Variants in PCNX4 observed in about 807,000 individuals in gnomAD.
PCNX4 encodes pecanex 4.
A neutral mutation model predicts 107.2 loss-of-function variants in PCNX4; 103 were observed. The observed-to-expected ratio is 0.96, with a 90% CI of 0.82 to 1.13. The LOEUF (loss-of-function observed/expected upper bound fraction) is 1.13, where lower values mean the gene tolerates loss of function less well. Among genes scored for constraint, PCNX4 ranks in the 50% most tolerant of loss-of-function variants. The probability of loss-of-function intolerance (pLI) is 0.00; values close to 1 mark genes in which losing one functional copy is unlikely to be tolerated. For synonymous variants in PCNX4, 541 were observed against 481.7 expected (o/e 1.12, Z -1.61); for missense variants, 1,528 against 1,379.4 (o/e 1.11, Z -1.71).
chr14:60,104,475 C>T (rs1458120427), intron 1 of PCNX4, among the ~76,000 whole-genome samples: 5 of 152,090 alleles, frequency 3.3e-5, no homozygotes, highest in Non-Finnish European at 7.3e-5. Context: ...AGGTATTTTG[C>T]TAAATATGGG....
chr14:60,139,181 G>A lies in PCNX4; in HGVS notation c.*4960G>A, dbSNP rs905740571. ...CCAATTAAATGCAAAGATCATCAAA[G>A]TGAAAAGAAAGAAAACCCACAAAGT... On this transcript the variant is annotated 3_prime_UTR_variant, in exon 11 of 11. Transcript: ENST00000406854. 4.6e-5 allele frequency: 7 copies of A among 151,658 alleles called. No individual in the cohort carries two copies. The highest frequency in any genetic ancestry group is 1.7e-4 in the African/African-American group (7 of 41,046). The allele number at this position is 151,658 out of a possible 1,614,324, so 9.4% of individuals were successfully genotyped here. A position where few individuals can be genotyped will look rare whatever the true frequency, so the allele number is the denominator to read the frequency against.
intron 2 of PCNX4, 195 bp downstream of exon 2, chr14:60,108,522 T>C (rs160231): frequency 0.8 from 331,048 of 414,900 alleles, 136,203 homozygotes; most frequent in Non-Finnish European, 0.87. Flanking sequence ...TTAAAACTTA[T>C]TAAAGAGTTT....
Position 60,134,998 on chromosome 14 carries a change from T to C in PCNX4, c.*777T>C, listed in dbSNP as rs965084599. The C allele has an allele frequency of 1.3e-5, 2 of 152,224 alleles. No individual in the cohort carries two copies. The highest frequency in any genetic ancestry group is 2.9e-5 in the Non-Finnish European group (2 of 68,034). The allele number at this position is 152,224 out of a possible 1,614,324, so 9.4% of individuals were successfully genotyped here. ...TTTACCCAACAGGACTACCAGTTAC[T>C]AGTGTCTTAAGGTATATGAACTAAA... is the stretch of plus-strand genomic sequence containing the variant. On this transcript the variant is annotated 3_prime_UTR_variant, in exon 11 of 11. Coordinates refer to ENST00000406854, the MANE Select transcript of PCNX4 (RefSeq NM_001330177.2).
intron 10 of PCNX4, among the ~76,000 whole-genome samples, chr14:60,126,835 T>G (rs1284236183): frequency 6.6e-6 from 1 of 152,182 alleles, no homozygotes; most frequent in Non-Finnish European, 1.5e-5. Flanking sequence ...TACTGGGGCC[T>G]TGATCACTCT....
chr14:60,133,561 A>T, intron 10 of PCNX4: 1 of 423,610 alleles, frequency 2.4e-6, no homozygotes, highest in Middle Eastern at 3.5e-4. Context: ...TGAATTGCAT[A>T]TAGTAAGTAA....
chr14:60,125,299 C>T, intron 9 of PCNX4, 48 bp downstream of exon 9: 2 of 1,411,524 alleles, frequency 1.4e-6, no homozygotes, highest in Non-Finnish European at 1.9e-6. Context: ...TGGAAAAATA[C>T]TGATTTTTCT....
intron 6 of PCNX4, among the ~76,000 whole-genome samples, 200 bp from the exon 7 acceptor site, chr14:60,118,129 T>A (rs1054676754): frequency 2.0e-5 from 3 of 151,782 alleles, no homozygotes; most frequent in African/African-American, 7.3e-5. Flanking sequence ...TTTTTTTTTT[T>A]AAGAACAAAC....
chr14:60,102,311 TGATA>T (rs1453556383), intron 1 of PCNX4, among the ~76,000 whole-genome samples: 3 of 112,136 alleles, frequency 2.7e-5, no homozygotes, highest in Non-Finnish European at 6.1e-5. Context: ...AAAAATAATA[TGATA>T]GATTTAAAAA....
intron 6 of PCNX4, among the ~76,000 whole-genome samples, chr14:60,118,018 T>C (rs1895882613): frequency 6.6e-6 from 1 of 152,174 alleles, no homozygotes; most frequent in Non-Finnish European, 1.5e-5. Flanking sequence ...TTTGTGTCTT[T>C]CTAGGAACTT....
chr14:60,103,026 CT>C (rs1421324974), intron 1 of PCNX4, among the ~76,000 whole-genome samples: 3 of 152,142 alleles, frequency 2.0e-5, no homozygotes, highest in Non-Finnish European at 4.4e-5. Flanking sequence ...GCTAAATACT[CT>C]TTAATCCTTA....
chr14:60,145,041 C>G lies in PCNX4; in HGVS notation c.*10820C>G, dbSNP rs1326968006. On this transcript the variant is annotated 3_prime_UTR_variant, in exon 11 of 11. Coordinates refer to ENST00000406854, the MANE Select transcript of PCNX4 (RefSeq NM_001330177.2). This position sits in a 1 kb window ranked among gnomAD's most constrained non-coding sequence, Gnocchi z 4.0. The stretch of plus-strand genomic sequence containing the variant: ...GTAAAAGAGGGACAGAAACATGGAT[C>G]AGTACCTACTCCTATTTACTCCAGT... The G allele has an allele frequency of 6.5e-7, 1 of 1,532,348 alleles. No homozygotes were observed. The highest frequency in any genetic ancestry group is 2.0e-5 in the Admixed American group (1 of 50,318). 94.9% of individuals were successfully genotyped at this position (1,532,348 alleles called of 1,614,324 possible). A position where few individuals can be genotyped will look rare whatever the true frequency, so the allele number is the denominator to read the frequency against.
chr14:60,124,893 C>T lies in PCNX4; in HGVS notation c.2722C>T (p.His908Tyr), dbSNP rs1896023638. 6.2e-7 allele frequency: 1 copy of T among 1,613,670 alleles called. No homozygotes were observed. Among genetic ancestry groups the T allele is most frequent in the Non-Finnish European group, 8.5e-7 (1 of 1,179,776 alleles). ...PLMEFSCSHS[H>Y]LVCLPAEWRT... is the part of the protein sequence containing the mutation. ...CATGGAGTTCAGTTGTTCACATTCTCACTTAGTATGCTTACCCGCAGAGTG... is the reference window on the plus strand; with the variant it reads ...CATGGAGTTCAGTTGTTCACATTCTTACTTAGTATGCTTACCCGCAGAGTG... Residue 908 changes from histidine to tyrosine, a missense_variant, in exon 9 of 11, where the codon CAC becomes TAC. Transcript: ENST00000406854.
chr14:60,126,375 G>C (rs756730954), intron 10 of PCNX4, among the ~76,000 whole-genome samples: 126 of 152,182 alleles, frequency 8.3e-4, no homozygotes, highest in Non-Finnish European at 1.5e-3. Context: ...GGTTTTGTCT[G>C]TCTGGCATTA....
intron 1 of PCNX4, among the ~76,000 whole-genome samples, chr14:60,104,167 A>G (rs1171275260): frequency 1.3e-5 from 2 of 152,008 alleles, no homozygotes; most frequent in Admixed American, 6.5e-5. Context: ...AAAAATACAA[A>G]AATTAGTTGG....
rs73310175 is a variant in PCNX4, at chr14:60,128,236, G to A, written c.3267+2413G>A. Among the ~76,000 whole-genome samples the A allele has an allele frequency of 3.0e-3, 449 of 152,196 alleles. 3 individuals are homozygous for A. The highest frequency in any genetic ancestry group is 0.01 in the African/African-American group (430 of 41,512). On this transcript the variant is annotated intron_variant, in intron 10 of 10. Transcript: ENST00000406854. ...TTGTAAAACATTAATCCACACATCC[G>A]GGAACTTCAGTGAACTTTAGAATAA...
At chr14:60,118,996 C>T (rs896052818) in intron 7 of PCNX4, among the ~76,000 whole-genome samples, 2 of 152,144 alleles carry the variant, frequency 1.3e-5, no homozygotes, top group Admixed American at 1.3e-4. Flanking sequence ...CATGGAAACA[C>T]CTTTCCCCGA....
chr14:60,114,611 G>T, intron 2 of PCNX4, 89 bp from the exon 3 acceptor site: 3 of 1,069,562 alleles, frequency 2.8e-6, no homozygotes, highest in Non-Finnish European at 4.0e-6. Flanking sequence ...GGAAGGGAGT[G>T]TGTTGTTATT....
intron 1 of PCNX4, among the ~76,000 whole-genome samples, chr14:60,107,211 A>G (rs1028135657): frequency 1.3e-5 from 2 of 152,124 alleles, no homozygotes; most frequent in Non-Finnish European, 2.9e-5. Context: ...GCAAAACCCC[A>G]TCTCTACAAA....
At chr14:60,132,902 C>T (rs1191915462) in intron 10 of PCNX4, among the ~76,000 whole-genome samples, 1 of 152,148 alleles carries the variant, frequency 6.6e-6, no homozygotes, top group African/African-American at 2.4e-5. Context: ...AATAAAATAA[C>T]ACTTCACACA....
Sources: gnomAD v4.1 joint callset for allele counts (sites outside exome capture counted in the v4.1 genomes callset) on GRCh38, gnomAD v4.1.1 for gene constraint, Gnocchi (gnomAD v3.1) non-coding constraint, MANE v1.5 for transcripts, NCBI Gene and HGNC (gene_info 2026-07-23, HGNC 2026-07-21) for gene names.